Variants in CADPS observed in about 807,000 individuals in gnomAD.
CADPS encodes calcium dependent secretion activator.
In CADPS, 57 loss-of-function variants were observed where a neutral mutation model predicts 167.3. The observed-to-expected ratio is 0.34, with a 90% CI of 0.28 to 0.42. The LOEUF (loss-of-function observed/expected upper bound fraction) is 0.42, where lower values mean the gene tolerates loss of function less well. Ranked by LOEUF, CADPS falls within the 20% of genes least tolerant of loss-of-function variation. CADPS has a pLI of 1.00. For synonymous variants in CADPS, 676 were observed against 635.3 expected, an observed-to-expected ratio of 1.06 and a Z score of -0.96; for missense variants, 1,414 against 1,738.1, an observed-to-expected ratio of 0.81 and a Z score of 3.32.
In CADPS at chr3:62,430,162, CT is replaced by C. The variant is rs551395299; in HGVS notation, c.3777+7941del. Among the ~76,000 whole-genome samples the C allele has an allele frequency of 2.4e-3, 365 of 152,276 alleles. 3 individuals are homozygous for C. The highest frequency in any genetic ancestry group is 8.3e-3 in the African/African-American group (347 of 41,570). On this transcript the variant is annotated intron_variant, in intron 28 of 29. Coordinates refer to ENST00000383710, the MANE Select transcript of CADPS (RefSeq NM_003716.4). ...ATCCAAATCTGTTAATGCCCCTTAT[CT>C]TTTTTTGTATGCAGGATTGCTGAAA...
intron 21 of CADPS, among the ~76,000 whole-genome samples, chr3:62,483,085 T>C (rs2062249596): frequency 6.6e-6 from 1 of 152,004 alleles, no homozygotes; most frequent in African/African-American, 2.4e-5. Context: ...CCAGCCAAAG[T>C]CACTGGCACG....
chr3:62,746,436 A>G (rs1251489065), intron 3 of CADPS, among the ~76,000 whole-genome samples: 1 of 152,104 alleles, frequency 6.6e-6, no homozygotes, highest in Non-Finnish European at 1.5e-5. Flanking sequence ...CCTGGTCTCA[A>G]GCGATTCTCC....
chr3:62,508,778 A>C (rs1363304459), intron 17 of CADPS, among the ~76,000 whole-genome samples: 1 of 152,208 alleles, frequency 6.6e-6, no homozygotes, highest in East Asian at 1.9e-4. Context: ...TTTTTATCAT[A>C]ATCTGCAGCA....
intron 3 of CADPS, among the ~76,000 whole-genome samples, chr3:62,727,546 CTG>C (rs1159756630): frequency 6.6e-6 from 1 of 151,820 alleles, no homozygotes; most frequent in Non-Finnish European, 1.5e-5. Context: ...ACAAAAAAAA[CTG>C]TCATTCTCAA....
chr3:62,616,024 T>C (rs1395252062), intron 6 of CADPS, among the ~76,000 whole-genome samples: 1 of 150,078 alleles, frequency 6.7e-6, no homozygotes, highest in Admixed American at 6.6e-5. Flanking sequence ...GTCTATGTGT[T>C]TTTTTTCCTT....
chr3:62,560,141 T>G (rs886530208), intron 9 of CADPS, among the ~76,000 whole-genome samples: 1 of 152,164 alleles, frequency 6.6e-6, no homozygotes, highest in African/African-American at 2.4e-5. Context: ...GATTTAGGAT[T>G]TTGCAATGTA....
At chr3:62,677,964 A>G (rs1580252940) in intron 3 of CADPS, among the ~76,000 whole-genome samples, 1 of 152,052 alleles carries the variant, frequency 6.6e-6, no homozygotes. Flanking sequence ...GGTGTGTAAT[A>G]TCTTACACAG....
chr3:62,753,996 T>C lies in CADPS; in HGVS notation c.556-223A>G, dbSNP rs2083290674. On this transcript the variant is annotated intron_variant, in intron 2 of 29. Coordinates refer to ENST00000383710, the MANE Select transcript of CADPS (RefSeq NM_003716.4). The surrounding 1 kb of genome is among the most constrained non-coding windows in gnomAD (Gnocchi z 4.6). ...GTAAGATGAGAATAACAATTGTACT[T>C]ACCAGGTTGGTGCAAGGATTAAATG... Among the ~76,000 whole-genome samples, 1 of 152,104 alleles carries C rather than the reference T, an allele frequency of 6.6e-6. No individual in the cohort carries two copies. Among genetic ancestry groups the C allele is most frequent in the Non-Finnish European group, 1.5e-5 (1 of 68,006 alleles).
At chr3:62,668,925 T>C (rs2075000323) in intron 3 of CADPS, among the ~76,000 whole-genome samples, 1 of 152,200 alleles carries the variant, frequency 6.6e-6, no homozygotes, top group African/African-American at 2.4e-5. Flanking sequence ...TGGGACCAAA[T>C]TCCCAATCAG....
chr3:62,728,839 G>A (rs1044307632), intron 3 of CADPS, among the ~76,000 whole-genome samples: 2 of 151,846 alleles, frequency 1.3e-5, no homozygotes, highest in Admixed American at 6.5e-5. Context: ...AGATGAGCAA[G>A]TGTGTTTAAA....
rs530073757 is a variant in CADPS, at chr3:62,846,714, A to G, written c.441+27875T>C. Among the ~76,000 whole-genome samples the G allele has an allele frequency of 1.9e-3, 286 of 152,206 alleles. 1 individual carries two copies. The highest frequency in any genetic ancestry group is 4.1e-3 in the Admixed American group (62 of 15,284). On this transcript the variant is annotated intron_variant, in intron 1 of 29. Coordinates refer to ENST00000383710, the MANE Select transcript of CADPS (RefSeq NM_003716.4). ...ACGGAGTCTTGCTGTGTCACCTAGG[A>G]GTGCAGTGGCACGATCTTGGTTCAT...
At chr3:62,541,994 C>T (rs375393473) in intron 11 of CADPS, among the ~76,000 whole-genome samples, 16 of 152,076 alleles carry the variant, frequency 1.1e-4, no homozygotes, top group African/African-American at 3.9e-4. Flanking sequence ...TCCTATTATA[C>T]TAACAGCTTA....
chr3:62,509,904 C>A (rs1196422023), intron 17 of CADPS, among the ~76,000 whole-genome samples: 2 of 152,146 alleles, frequency 1.3e-5, no homozygotes, highest in African/African-American at 4.8e-5. Context: ...TTTAGACAGA[C>A]CTGAGTTCAA....
At chr3:62,692,275 T>C (rs2079285499) in intron 3 of CADPS, among the ~76,000 whole-genome samples, 2 of 130,300 alleles carry the variant, frequency 1.5e-5, no homozygotes, top group Admixed American at 1.7e-4. Context: ...CCCTGCATTT[T>C]AACCCCACTT....
intron 2 of CADPS, among the ~76,000 whole-genome samples, chr3:62,761,706 C>T (rs1010314694): frequency 1.3e-5 from 2 of 151,672 alleles, no homozygotes; most frequent in African/African-American, 2.4e-5. Flanking sequence ...AGGGAGAGAG[C>T]AAGGGAGGGC....
chr3:62,578,779 T>C (rs984824528), intron 8 of CADPS, among the ~76,000 whole-genome samples: 3 of 152,146 alleles, frequency 2.0e-5, no homozygotes, highest in Non-Finnish European at 4.4e-5. Flanking sequence ...TCAGTAAGGA[T>C]ATAGATTCTT....
chr3:62,716,904 T>C (rs1420324734), intron 3 of CADPS, among the ~76,000 whole-genome samples: 1 of 152,222 alleles, frequency 6.6e-6, no homozygotes, highest in Non-Finnish European at 1.5e-5. Flanking sequence ...CAAATGTTAA[T>C]GGTTCATAAG....
At chr3:62,697,027 G>T (rs534055466) in intron 3 of CADPS, among the ~76,000 whole-genome samples, 28 of 152,170 alleles carry the variant, frequency 1.8e-4, no homozygotes, top group African/African-American at 6.3e-4. Context: ...AAATATATCC[G>T]CTTTGGAGAC....
At chr3:62,763,712 T>C (rs1344106981) in intron 2 of CADPS, among the ~76,000 whole-genome samples, 2 of 152,144 alleles carry the variant, frequency 1.3e-5, no homozygotes, top group African/African-American at 2.4e-5. Flanking sequence ...GATCTCCTGA[T>C]ACAGAAACTT....
Sources: gnomAD v4.1 joint callset for allele counts (sites outside exome capture counted in the v4.1 genomes callset) on GRCh38, gnomAD v4.1.1 for gene constraint, Gnocchi (gnomAD v3.1) non-coding constraint, MANE v1.5 for transcripts, NCBI Gene and HGNC (gene_info 2026-07-23, HGNC 2026-07-21) for gene names.